Variants in ADAMTS12 observed in about 807,000 individuals in gnomAD.
ADAMTS12 encodes ADAM metallopeptidase with thrombospondin type 1 motif 12.
Under a neutral mutation model 167.8 loss-of-function variants are expected in ADAMTS12, and 118 were observed. That is an observed-to-expected ratio of 0.70 (90% CI 0.61 to 0.82). The LOEUF is 0.82. Among genes scored for constraint, ADAMTS12 ranks in the 40% least tolerant of loss-of-function variants. ADAMTS12 has a pLI of 0.00. For synonymous variants in ADAMTS12, 704 were observed against 716.9 expected, an observed-to-expected ratio of 0.98 and a Z score of 0.29; for missense variants, 1,916 against 1,998.8, an observed-to-expected ratio of 0.96 and a Z score of 0.79.
At chr5:33,541,335 GA>G (rs1744685626) in intron 22 of ADAMTS12, among the ~76,000 whole-genome samples, 2 of 152,322 alleles carry the variant, frequency 1.3e-5, no homozygotes, top group Admixed American at 1.3e-4. Context: ...GGGACTATGT[GA>G]AAAGACCAAA....
intron 3 of ADAMTS12, among the ~76,000 whole-genome samples, chr5:33,717,983 C>T (rs1166185270): frequency 6.6e-6 from 1 of 152,158 alleles, no homozygotes; most frequent in African/African-American, 2.4e-5. Context: ...CTGTGTGTTC[C>T]CATTTGTGAG....
intron 2 of ADAMTS12, among the ~76,000 whole-genome samples, chr5:33,755,356 T>G (rs1745131088): frequency 1.3e-5 from 2 of 152,152 alleles, no homozygotes; most frequent in Non-Finnish European, 2.9e-5. Flanking sequence ...TGAGATGCAT[T>G]GGTGTGAGCC....
intron 2 of ADAMTS12, among the ~76,000 whole-genome samples, chr5:33,818,581 G>A (rs889430248): frequency 6.6e-6 from 1 of 151,638 alleles, no homozygotes; most frequent in African/African-American, 2.4e-5. Flanking sequence ...CCTCTCTTTG[G>A]GGTATACTCA....
chr5:33,794,684 A>C (rs1746707840), intron 2 of ADAMTS12, among the ~76,000 whole-genome samples: 1 of 152,210 alleles, frequency 6.6e-6, no homozygotes, highest in Admixed American at 6.5e-5. Context: ...TAGCAGAACC[A>C]GCAGCAGCTG....
rs201402268 is a variant in ADAMTS12, at chr5:33,720,280, T to TCACACA, written c.634+31123_634+31124insTGTGTG. On this transcript the variant is annotated intron_variant, in intron 3 of 23. Coordinates refer to ENST00000504830, the MANE Select transcript of ADAMTS12 (RefSeq NM_030955.4). Reference sequence around the variant, plus strand: ...TTCCATTCACCCCTCTCTCTCTCTCTCACTCACACACACACACACACACAC... The same window carrying TCACACA: ...TTCCATTCACCCCTCTCTCTCTCTCTCACACACACTCACACACACACACACACACAC... 7.4e-3 allele frequency among the ~76,000 whole-genome samples: 464 copies of TCACACA among 62,348 alleles called. 9 individuals carry two copies. Among genetic ancestry groups the TCACACA allele is most frequent in the East Asian group, 0.043 (145 of 3,368 alleles). 40.9% of individuals were successfully genotyped at this position (62,348 alleles called of 152,430 possible).
At chr5:33,748,688 A>G (rs933289067) in intron 3 of ADAMTS12, among the ~76,000 whole-genome samples, 14 of 152,164 alleles carry the variant, frequency 9.2e-5, no homozygotes, top group African/African-American at 3.4e-4. Context: ...TGCTCCATAT[A>G]TGGTAAAGGT....
At chr5:33,818,924 A>T (rs967888591) in intron 2 of ADAMTS12, among the ~76,000 whole-genome samples, 7 of 152,022 alleles carry the variant, frequency 4.6e-5, no homozygotes, top group Non-Finnish European at 1.0e-4. Flanking sequence ...CTTATTTTTT[A>T]ATCAAATTAT....
intron 2 of ADAMTS12, among the ~76,000 whole-genome samples, chr5:33,801,950 G>T (rs965454431): frequency 6.6e-6 from 1 of 152,200 alleles, no homozygotes; most frequent in African/African-American, 2.4e-5. Context: ...TATCACCAAT[G>T]TAATGCTATT....
chr5:33,810,506 T>C (rs1747417525), intron 2 of ADAMTS12, among the ~76,000 whole-genome samples: 1 of 152,224 alleles, frequency 6.6e-6, no homozygotes, highest in African/African-American at 2.4e-5. Flanking sequence ...GTTTGTACTA[T>C]TGGTCCTATT....
intron 18 of ADAMTS12, among the ~76,000 whole-genome samples, chr5:33,580,272 G>A (rs1043520495): frequency 6.6e-6 from 1 of 152,184 alleles, no homozygotes; most frequent in African/African-American, 2.4e-5. Context: ...CATGGGTGGG[G>A]AGGCCTCAGG....
At chr5:33,648,599 C>T (rs548056071) in intron 9 of ADAMTS12, among the ~76,000 whole-genome samples, 1 of 152,266 alleles carries the variant, frequency 6.6e-6, no homozygotes, top group Non-Finnish European at 1.5e-5. Flanking sequence ...TCAAACACCA[C>T]CCAGTTGCAA....
intron 3 of ADAMTS12, among the ~76,000 whole-genome samples, chr5:33,730,720 TTATC>T (rs1262117329): frequency 6.6e-6 from 1 of 152,212 alleles, no homozygotes; most frequent in Non-Finnish European, 1.5e-5. Flanking sequence ...ACCCTCGACT[TTATC>T]TACTGTTTTT....
chr5:33,771,487 T>G (rs1341574064), intron 2 of ADAMTS12, among the ~76,000 whole-genome samples: 1 of 152,116 alleles, frequency 6.6e-6, no homozygotes, highest in Admixed American at 6.6e-5. Context: ...TGAGTGAGGT[T>G]TTTCTTCTTT....
intron 2 of ADAMTS12, among the ~76,000 whole-genome samples, chr5:33,795,486 C>T (rs1338701544): frequency 1.3e-5 from 2 of 152,080 alleles, no homozygotes; most frequent in African/African-American, 2.4e-5. Flanking sequence ...AATTTTAAAT[C>T]GAAAAATAAA....
At chr5:33,761,256 C>T (rs1244063327) in intron 2 of ADAMTS12, among the ~76,000 whole-genome samples, 1 of 152,228 alleles carries the variant, frequency 6.6e-6, no homozygotes, top group Non-Finnish European at 1.5e-5. Context: ...GCCTTCTTCT[C>T]CCACTCTGAT....
intron 2 of ADAMTS12, among the ~76,000 whole-genome samples, chr5:33,781,216 G>A (rs1376272817): frequency 6.6e-6 from 1 of 151,814 alleles, no homozygotes; most frequent in Non-Finnish European, 1.5e-5. Context: ...ACATGCAAAT[G>A]TCTGTGCATG....
intron 19 of ADAMTS12, among the ~76,000 whole-genome samples, chr5:33,575,181 C>T (rs1310755844): frequency 3.3e-5 from 5 of 151,982 alleles, no homozygotes; most frequent in Non-Finnish European, 5.9e-5. Flanking sequence ...TGCAAGCACT[C>T]AAACAAACCA....
intron 3 of ADAMTS12, among the ~76,000 whole-genome samples, chr5:33,721,166 C>A (rs149123962): frequency 6.6e-6 from 1 of 152,294 alleles, no homozygotes; most frequent in Non-Finnish European, 1.5e-5. Flanking sequence ...AAAGGCCAAA[C>A]TAATCTATTC....
chr5:33,838,054 T>C (rs373355494), intron 2 of ADAMTS12, among the ~76,000 whole-genome samples: 243 of 152,338 alleles, frequency 1.6e-3, no homozygotes, highest in African/African-American at 5.5e-3. Context: ...CACTGTGTTT[T>C]AATTACTCCC....
Sources: gnomAD v4.1 joint callset for allele counts (sites outside exome capture counted in the v4.1 genomes callset) on GRCh38, gnomAD v4.1.1 for gene constraint, MANE v1.5 for transcripts, NCBI Gene and HGNC (gene_info 2026-07-23, HGNC 2026-07-21) for gene names.